Variants in ZFP69B observed in about 807,000 individuals in gnomAD.
ZFP69B encodes zinc finger protein 69 homolog B.
ZFP69B carries 20 observed loss-of-function variants against 19.7 expected under a neutral mutation model. The observed-to-expected ratio is 1.02, with a 90% CI of 0.71 to 1.48. The LOEUF is 1.48. Among genes scored for constraint, ZFP69B ranks in the 40% most tolerant of loss-of-function variants. The pLI is 0.00. For missense variants in ZFP69B, 583 were observed against 632.6 expected, an observed-to-expected ratio of 0.92 and a Z score of 0.84; for synonymous variants, 220 against 222.7, an observed-to-expected ratio of 0.99 and a Z score of 0.11.
At position 40,450,748 on chromosome 1, in the gene ZFP69B, A is replaced by G. The variant is rs896924028; in HGVS notation, c.-214A>G. ...CTCAAGTTGGGAGATACGCCCTGAG[A>G]GCCGATGATAGACACAAGTCCAGAT... On this transcript the variant is annotated 5_prime_UTR_variant, in exon 1 of 5. Coordinates refer to ENST00000361584, the MANE Select transcript of ZFP69B (RefSeq NM_023070.3). 2.7e-5 allele frequency: 10 copies of G among 370,836 alleles called. No homozygotes were observed. Among genetic ancestry groups the G allele is most frequent in the African/African-American group, 2.1e-4 (10 of 47,138 alleles). The allele number at this position is 370,836 out of a possible 1,614,324, so 23.0% of individuals were successfully genotyped here.
chr1:40,462,939 A>AGTTC lies in ZFP69B; in HGVS notation c.956_959dup (p.Ser321PhefsTer13). The AGTTC allele has an allele frequency of 6.2e-7, 1 of 1,614,176 alleles. No homozygotes were observed. The highest frequency in any genetic ancestry group is 1.1e-5 in the South Asian group (1 of 91,080). ...GGAATGTGGAAAAGCCTTTAGCCAA[A>AGTTC]GTTCATCTCTTATTCCGCATCAGAG... On this transcript the variant is annotated frameshift_variant, in exon 5 of 5. Coordinates refer to ENST00000361584, the MANE Select transcript of ZFP69B (RefSeq NM_023070.3). LOFTEE classifies it low-confidence loss of function (END_TRUNC).
At chr1:40,454,144 G>T (rs2124415038) in intron 1 of ZFP69B, 59 bp from the exon 2 acceptor site, 2 of 1,397,328 alleles carry the variant, frequency 1.4e-6, no homozygotes, top group East Asian at 2.5e-5. Flanking sequence ...TCTGTAGGCA[G>T]TTTCTCTGTT....
chr1:40,452,220 C>A (rs985866893), intron 1 of ZFP69B, among the ~76,000 whole-genome samples: 5 of 152,164 alleles, frequency 3.3e-5, no homozygotes, highest in Non-Finnish European at 5.9e-5. Context: ...CAGATACTCA[C>A]ATGATATCAA....
At position 40,450,783 on chromosome 1, in the gene ZFP69B, T is replaced by C; in HGVS notation, c.-179T>C. The C allele has an allele frequency of 1.8e-6, 1 of 552,350 alleles. No homozygotes were observed. The highest frequency in any genetic ancestry group is 2.7e-6 in the Non-Finnish European group (1 of 369,540). 34.2% of individuals were successfully genotyped at this position (552,350 alleles called of 1,614,324 possible). ...AGACACAAGTCCAGATCTCGGATTT[T>C]GATACTGTATGTTCCCTGGGTTCCT... On this transcript the variant is annotated 5_prime_UTR_variant, in exon 1 of 5. It removes the in-frame stop codon of an upstream open reading frame in the 5' UTR. Coordinates refer to ENST00000361584, the MANE Select transcript of ZFP69B (RefSeq NM_023070.3).
rs762456958 is a variant in ZFP69B at position 40,463,561 on chromosome 1, T to G, written c.1577T>G (p.Leu526Ter). 6 of 1,610,470 alleles carry G rather than the reference T, an allele frequency of 3.7e-6. No individual in the cohort carries two copies. The highest frequency in any genetic ancestry group is 4.2e-6 in the Non-Finnish European group (5 of 1,178,206). ...CTTATTAGACACTGCAAAACACATT[T>G]AAGAAATACCTTCAGCAATGTTGTG... ...SSLIRHCKTHLRNTFSNVV is the reference protein window; with the variant it reads ...SSLIRHCKTH The change falls in exon 5 of 5, where the codon TTA (leucine) becomes TGA (stop). Residue 526 changes from leucine to a stop codon, truncating the protein, a stop_gained. Coordinates refer to ENST00000361584, the MANE Select transcript of ZFP69B (RefSeq NM_023070.3). LOFTEE classifies it low-confidence loss of function (END_TRUNC).
At chr1:40,459,124 G>A (rs1645259945) in intron 4 of ZFP69B, among the ~76,000 whole-genome samples, 2 of 152,110 alleles carry the variant, frequency 1.3e-5, no homozygotes, top group African/African-American at 4.8e-5. Flanking sequence ...TCCAAAATCG[G>A]GGTGAACAGA....
At position 40,454,249 on chromosome 1, in the gene ZFP69B, G is replaced by C; in HGVS notation, c.174G>C (p.Glu58Asp). 1 of 1,605,254 alleles carries C rather than the reference G, an allele frequency of 6.2e-7. No homozygotes were observed. Among genetic ancestry groups the C allele is most frequent in the Non-Finnish European group, 8.5e-7 (1 of 1,175,010 alleles). The change falls in exon 2 of 5, where the codon GAG becomes GAC. Residue 58 changes from glutamate (E) to aspartate (D), a missense_variant. Glu to Asp is a conservative substitution (Grantham distance 45). Coordinates refer to ENST00000361584, the MANE Select transcript of ZFP69B (RefSeq NM_023070.3). ...DADETQGESLESRVTLGSLTA... is the reference protein window; with the variant it reads ...DADETQGESLDSRVTLGSLTA... ...ATGAGACCCAGGGCGAAAGTTTAGA[G>C]AGTAGAGTGACCCTTGGATCCCTGA...
chr1:40,457,470 T>G, intron 4 of ZFP69B, 31 bp downstream of exon 4: 2 of 1,592,656 alleles, frequency 1.3e-6, no homozygotes, highest in South Asian at 1.1e-5. Context: ...GCCTTTGTGA[T>G]GTTAGCCAGA....
At chr1:40,454,174 C>G in intron 1 of ZFP69B, 29 bp from the exon 2 acceptor site, 1 of 1,546,760 alleles carries the variant, frequency 6.5e-7, no homozygotes, top group Non-Finnish European at 8.7e-7. Context: ...TGGGGAGATG[C>G]AAACCTCATG....
chr1:40,454,353 G>T, intron 2 of ZFP69B, 65 bp downstream of exon 2: 1 of 1,200,960 alleles, frequency 8.3e-7, no homozygotes. Context: ...GCAGGAGTTT[G>T]ATTTTCTTTG....
intron 4 of ZFP69B, among the ~76,000 whole-genome samples, chr1:40,457,962 A>G (rs1448042654): frequency 1.3e-5 from 2 of 152,222 alleles, no homozygotes; most frequent in African/African-American, 4.8e-5. Context: ...TGAGAAATCA[A>G]CCACAGAATT....
At chr1:40,462,392 T>C (rs1484408084) in intron 4 of ZFP69B, 29 bp from the exon 5 acceptor site, 1 of 1,545,642 alleles carries the variant, frequency 6.5e-7, no homozygotes. Context: ...GCAAGGAATA[T>C]GGATCTTTTT....
At chr1:40,455,358 TGGTTTAATCATGTGTTTAAATCATAG>T (rs1399863044) in intron 2 of ZFP69B, among the ~76,000 whole-genome samples, 1 of 152,220 alleles carries the variant, frequency 6.6e-6, no homozygotes, top group African/African-American at 2.4e-5. Flanking sequence ...CAAAATCACA[TGGTTTAATCATGTGTTTAAATCATAG>T]GGTTTAATCC....
Position 40,463,693 on chromosome 1 carries a change from C to A in ZFP69B, c.*104C>A. ...TTGTTTTTGGATTTCCAAAAACGAACATTAAAAAAAAATGGTTTGGCACAA... is the reference window on the plus strand; with the variant it reads ...TTGTTTTTGGATTTCCAAAAACGAAAATTAAAAAAAAATGGTTTGGCACAA... On this transcript the variant is annotated 3_prime_UTR_variant, in exon 5 of 5. Coordinates refer to ENST00000361584, the MANE Select transcript of ZFP69B (RefSeq NM_023070.3). 6.3e-6 allele frequency: 7 copies of A among 1,111,628 alleles called. No homozygotes were observed. The highest frequency in any genetic ancestry group is 3.2e-5 in the African/African-American group (2 of 62,920). 68.9% of individuals were successfully genotyped at this position (1,111,628 alleles called of 1,614,324 possible).
intron 4 of ZFP69B, among the ~76,000 whole-genome samples, chr1:40,459,698 C>T (rs189516635): frequency 5.9e-5 from 9 of 152,280 alleles, no homozygotes; most frequent in Admixed American, 5.9e-4. Context: ...TGAAATACGA[C>T]ATTTATCTTG....
chr1:40,451,392 G>A (rs2124411880), intron 1 of ZFP69B, among the ~76,000 whole-genome samples: 1 of 152,272 alleles, frequency 6.6e-6, no homozygotes, highest in South Asian at 2.1e-4. Flanking sequence ...AATCAAATGG[G>A]AGGCCTGCCC....
rs1460471652 is a variant in ZFP69B at position 40,450,491 on chromosome 1, TG to T, written c.-470del. ...GAATTGGGTTGTATTCGTCTCTTTGTGCTTCCTGACATGTGCGCGGTGCTTT... is the reference window on the plus strand; with the variant it reads ...GAATTGGGTTGTATTCGTCTCTTTGTCTTCCTGACATGTGCGCGGTGCTTT... On this transcript the variant is annotated 5_prime_UTR_variant, in exon 1 of 5. Coordinates refer to ENST00000361584, the MANE Select transcript of ZFP69B (RefSeq NM_023070.3). 6.6e-6 allele frequency among the ~76,000 whole-genome samples: 1 copy of T among 152,220 alleles called. No homozygotes were observed. The highest frequency in any genetic ancestry group is 2.4e-5 in the African/African-American group (1 of 41,462).
At chr1:40,456,820 A>T in intron 2 of ZFP69B, 125 bp from the exon 3 acceptor site, 1 of 1,259,568 alleles carries the variant, frequency 7.9e-7, no homozygotes. Context: ...TATAATCATT[A>T]GAATAAATTA....
At chr1:40,453,894 A>G (rs147462153) in intron 1 of ZFP69B, among the ~76,000 whole-genome samples, 1 of 152,314 alleles carries the variant, frequency 6.6e-6, no homozygotes, top group African/African-American at 2.4e-5. Context: ...ATAATTAAAA[A>G]ATAACAAAAA....
Sources: gnomAD v4.1 joint callset for allele counts (sites outside exome capture counted in the v4.1 genomes callset) on GRCh38, gnomAD v4.1.1 for gene constraint, MANE v1.5 for transcripts, NCBI Gene and HGNC (gene_info 2026-07-23, HGNC 2026-07-21) for gene names.